Variants in TBC1D9 observed in about 807,000 individuals in gnomAD.
The protein encoded by TBC1D9 is TBC1 domain family member 9A.
In TBC1D9, 63 loss-of-function variants were observed where a neutral mutation model predicts 132.0. The ratio of observed to expected loss-of-function variants is 0.48; its 90% CI spans 0.39 to 0.59. TBC1D9 has a LOEUF of 0.59. TBC1D9 is among the 20% of genes least tolerant of loss of function. TBC1D9 has a pLI of 0.00. For missense variants in TBC1D9, 1,261 were observed against 1,592.7 expected, an observed-to-expected ratio of 0.79 and a Z score of 3.54; for synonymous variants, 610 against 609.9, an observed-to-expected ratio of 1.00 and a Z score of 0.00.
chr4:140,723,548 G>A (rs1477353942), intron 1 of TBC1D9, among the ~76,000 whole-genome samples: 1 of 152,046 alleles, frequency 6.6e-6, no homozygotes, highest in Non-Finnish European at 1.5e-5. Context: ...TGGCCAGGCT[G>A]GTCTCAAACT....
intron 1 of TBC1D9, among the ~76,000 whole-genome samples, chr4:140,729,186 C>T (rs951979169): frequency 1.7e-4 from 26 of 152,114 alleles, no homozygotes; most frequent in African/African-American, 4.6e-4. Flanking sequence ...TTTCCCATAA[C>T]GACAGGATGA....
intron 13 of TBC1D9, chr4:140,644,878 A>G (rs970163565): frequency 6.9e-6 from 3 of 433,914 alleles, no homozygotes; most frequent in African/African-American, 4.2e-5. Flanking sequence ...GTCCCTGACA[A>G]ACTGGTAGGG....
At chr4:140,631,023 A>G (rs1490894486) in intron 16 of TBC1D9, among the ~76,000 whole-genome samples, 2 of 152,344 alleles carry the variant, frequency 1.3e-5, no homozygotes, top group South Asian at 2.1e-4. Flanking sequence ...CTTATTGCCC[A>G]TCACACTTTT....
chr4:140,732,756 T>G (rs1023758994), intron 1 of TBC1D9, among the ~76,000 whole-genome samples: 2 of 151,808 alleles, frequency 1.3e-5, no homozygotes, highest in African/African-American at 2.4e-5. Flanking sequence ...GAAACCAGGG[T>G]TTTTTTTGGT....
intron 13 of TBC1D9, among the ~76,000 whole-genome samples, chr4:140,652,684 T>C (rs1737205309): frequency 6.6e-6 from 1 of 152,240 alleles, no homozygotes; most frequent in South Asian, 2.1e-4. Context: ...CACCTTAAAA[T>C]GCATTAACAT....
rs1299489539 is a variant in TBC1D9, at chr4:140,622,420, G to A, written c.3576C>T (p.Ser1192=). 5.0e-6 allele frequency: 8 copies of A among 1,613,310 alleles called. No homozygotes were observed. Among genetic ancestry groups the A allele is most frequent in the South Asian group, 1.1e-5 (1 of 91,034 alleles). ...DIGEDTVLVR[S]GQGTAALPRS... ...GGGGCAGTGCCGCCGTGCCCTGGCC[G>A]CTCCGCACCAGGACCGTGTCCTCTC... Residue 1192 remains serine, a synonymous_variant, in exon 21 of 21, where the codon AGC becomes AGT. Coordinates refer to ENST00000442267, the MANE Select transcript of TBC1D9 (RefSeq NM_015130.3).
chr4:140,643,432 G>A, intron 13 of TBC1D9: 5 of 952,818 alleles, frequency 5.2e-6, no homozygotes, highest in East Asian at 2.5e-5. Context: ...TCCAGGCCGG[G>A]CAGGAACTGC....
chr4:140,647,545 C>T (rs2110986703), intron 13 of TBC1D9, among the ~76,000 whole-genome samples: 2 of 152,304 alleles, frequency 1.3e-5, no homozygotes, highest in South Asian at 4.1e-4. Context: ...CAAAGCTGTC[C>T]TTGTAAAACT....
chr4:140,636,386 C>T (rs1157871778), intron 15 of TBC1D9, among the ~76,000 whole-genome samples: 35 of 151,946 alleles, frequency 2.3e-4, no homozygotes, highest in Admixed American at 2.2e-3. Context: ...ACCCAGAAAT[C>T]GACTTCCTTA....
intron 6 of TBC1D9, 108 bp from the exon 7 acceptor site, chr4:140,671,034 C>A (rs1737527998): frequency 2.2e-6 from 2 of 900,048 alleles, no homozygotes; most frequent in African/African-American, 1.7e-5. Flanking sequence ...TCTATAGGAA[C>A]CACCTATATT....
At chr4:140,653,971 T>C (rs1737227022) in intron 13 of TBC1D9, among the ~76,000 whole-genome samples, 1 of 152,214 alleles carries the variant, frequency 6.6e-6, no homozygotes, top group African/African-American at 2.4e-5. Context: ...ATGGGCAAAA[T>C]GCTGACTTCA....
At chr4:140,686,286 A>T (rs1737778210) in intron 3 of TBC1D9, 58 bp downstream of exon 3, 1 of 1,118,620 alleles carries the variant, frequency 8.9e-7, no homozygotes, top group Non-Finnish European at 1.3e-6. Flanking sequence ...TATTTTTACA[A>T]CATTTCTGTA....
intron 13 of TBC1D9, chr4:140,644,511 GC>G (rs1737069244): frequency 3.4e-6 from 1 of 290,098 alleles, no homozygotes; most frequent in South Asian, 2.8e-5. Context: ...GGGGGCTTTC[GC>G]AGCAGCATCC....
At chr4:140,682,496 G>A (rs2111021136) in intron 3 of TBC1D9, among the ~76,000 whole-genome samples, 1 of 152,324 alleles carries the variant, frequency 6.6e-6, no homozygotes, top group South Asian at 2.1e-4. Context: ...GAAGGGAAAA[G>A]GGATGAAAAA....
chr4:140,729,818 CAA>C (rs35283552), intron 1 of TBC1D9, among the ~76,000 whole-genome samples: 17 of 51,914 alleles, frequency 3.3e-4, no homozygotes, highest in African/African-American at 6.4e-4. Context: ...GATTCCATCT[CAA>C]AAAAAAAAAA....
intron 1 of TBC1D9, among the ~76,000 whole-genome samples, chr4:140,711,899 T>C (rs1418002290): frequency 6.6e-6 from 1 of 152,232 alleles, no homozygotes; most frequent in Non-Finnish European, 1.5e-5. Context: ...GTAGGTGAGA[T>C]GACAATTCTG....
At chr4:140,692,057 A>G (rs909293126) in intron 2 of TBC1D9, among the ~76,000 whole-genome samples, 1 of 152,236 alleles carries the variant, frequency 6.6e-6, no homozygotes, top group Non-Finnish European at 1.5e-5. Flanking sequence ...TAGGAATAAT[A>G]CATTTTGTTT....
chr4:140,642,238 C>T, intron 13 of TBC1D9: 1 of 723,218 alleles, frequency 1.4e-6, no homozygotes, highest in Non-Finnish European at 2.5e-6. Flanking sequence ...TCTTCGTCTT[C>T]CTCTGAGTCT....
rs928254591 is a variant in TBC1D9, at chr4:140,756,189, A to AG, written c.-145dup. ...GGCGGCGGCGGCGGCAGGCGACTTCAGGGGGTGGCCCGCGGCGTCCGGGCC... is the reference window on the plus strand; with the variant it reads ...GGCGGCGGCGGCGGCAGGCGACTTCAGGGGGGTGGCCCGCGGCGTCCGGGCC... On this transcript the variant is annotated 5_prime_UTR_variant, in exon 1 of 21. It removes the in-frame stop codon of an upstream open reading frame in the 5' UTR. Coordinates refer to ENST00000442267, the MANE Select transcript of TBC1D9 (RefSeq NM_015130.3). This position sits in a 1 kb window ranked among gnomAD's most constrained non-coding sequence, Gnocchi z 5.6. The AG allele has an allele frequency of 1.9e-6, 1 of 512,822 alleles. No homozygotes were observed. The highest frequency in any genetic ancestry group is 3.0e-6 in the Non-Finnish European group (1 of 330,568). The allele number at this position is 512,822 out of a possible 1,614,324, so 31.8% of individuals were successfully genotyped here.
Sources: gnomAD v4.1 joint callset for allele counts (sites outside exome capture counted in the v4.1 genomes callset) on GRCh38, gnomAD v4.1.1 for gene constraint, Gnocchi (gnomAD v3.1) non-coding constraint, MANE v1.5 for transcripts, NCBI Gene and HGNC (gene_info 2026-07-23, HGNC 2026-07-21) for gene names.